Variants in SETD1B observed in about 807,000 individuals in gnomAD.
SETD1B encodes the protein SET domain containing 1B, histone lysine methyltransferase.
Under a neutral mutation model 148.0 loss-of-function variants are expected in SETD1B, and 7 were observed. That is an observed-to-expected ratio of 0.05 (90% CI 0.03 to 0.09). The LOEUF (loss-of-function observed/expected upper bound fraction) is 0.09, where lower values mean the gene tolerates loss of function less well. Among genes scored for constraint, SETD1B ranks in the 10% least tolerant of loss-of-function variants. The probability of loss-of-function intolerance (pLI) is 1.00; values close to 1 mark genes in which losing one functional copy is unlikely to be tolerated. For missense variants in SETD1B, 2,155 were observed against 2,729.9 expected (o/e 0.79, Z 4.69); for synonymous variants, 1,361 against 1,186.5 (o/e 1.15, Z -3.02).
intron 13 of SETD1B, 107 bp from the exon 14 acceptor site, chr12:121,827,412 C>A: frequency 1.4e-6 from 2 of 1,382,932 alleles, no homozygotes; most frequent in Non-Finnish European, 1.9e-6. Flanking sequence ...TGGAGAAGCC[C>A]AGAGCAAGGA....
At chr12:121,825,509 A>C in intron 13 of SETD1B, 143 bp downstream of exon 13, 5 of 324,328 alleles carry the variant, frequency 1.5e-5, no homozygotes, top group East Asian at 1.6e-4. Flanking sequence ...GGAAGGGGAG[A>C]GGCGGGTGGG....
chr12:121,793,861 GGGC>G, the SETD1B span: 1 of 413,592 alleles, frequency 2.4e-6, no homozygotes, highest in East Asian at 4.0e-5. Flanking sequence ...CGGAAAAACG[GGGC>G]TCAGCTGCGA....
chr12:121,794,423 G>A, the SETD1B span: 1 of 152,266 alleles, frequency 6.6e-6, no homozygotes, highest in African/African-American at 2.4e-5. Context: ...CTTCCGGCAG[G>A]AGCCAGAGGC....
chr12:121,817,016 T>A lies in SETD1B; in HGVS notation c.2716-17T>A. On this transcript the variant is annotated splice_polypyrimidine_tract_variant and intron_variant, in intron 7 of 16. Coordinates refer to ENST00000604567, the MANE Select transcript of SETD1B (RefSeq NM_001353345.2). This position sits in a 1 kb window ranked among gnomAD's most constrained non-coding sequence, Gnocchi z 8.1. The stretch of plus-strand genomic sequence containing the variant: ...GGTGCCAGAAGCGGTGACGGTCCCC[T>A]CCTGTCTCCACCCCAGGCCTCGCTG... 3 of 1,493,508 alleles carry A rather than the reference T, an allele frequency of 2.0e-6. No homozygotes were observed. Among genetic ancestry groups the A allele is most frequent in the Non-Finnish European group, 2.7e-6 (3 of 1,114,398 alleles). The allele number at this position is 1,493,508 out of a possible 1,614,324, so 92.5% of individuals were successfully genotyped here. A position where few individuals can be genotyped will look rare whatever the true frequency, so the allele number is the denominator to read the frequency against.
chr12:121,824,182 C>T (rs1876726637), intron 12 of SETD1B, among the ~76,000 whole-genome samples: 1 of 152,238 alleles, frequency 6.6e-6, no homozygotes, highest in African/African-American at 2.4e-5. Flanking sequence ...AAAGACACAG[C>T]TACAGGTGGC....
At chr12:121,806,225 CTTAT>C (rs1373060767) in intron 4 of SETD1B, 120 bp downstream of exon 4, 3 of 1,121,406 alleles carry the variant, frequency 2.7e-6, no homozygotes, top group East Asian at 5.2e-5. Flanking sequence ...CCCCCACAAC[CTTAT>C]TTCTTAGCCC....
At chr12:121,807,394 C>T (rs866872489) in intron 4 of SETD1B, among the ~76,000 whole-genome samples, 6 of 146,948 alleles carry the variant, frequency 4.1e-5, no homozygotes, top group Non-Finnish European at 5.9e-5. Context: ...TTTCCTATCA[C>T]GTGCCCACAT....
chr12:121,817,746 G>A lies in SETD1B; in HGVS notation c.3312+42G>A, dbSNP rs1566554115. On this transcript the variant is annotated intron_variant, in intron 9 of 16. Transcript: ENST00000604567. The surrounding 1 kb of genome is among the most constrained non-coding windows in gnomAD (Gnocchi z 8.1). The stretch of plus-strand genomic sequence containing the variant: ...GAAGCCTCAGGGGGCCGGGCCAGGC[G>A]ACGAGGGCCAGACCCTTCGGCTCAC... 2.6e-6 allele frequency: 4 copies of A among 1,536,954 alleles called. No individual in the cohort carries two copies. The highest frequency in any genetic ancestry group is 2.6e-6 in the Non-Finnish European group (3 of 1,136,824).
At chr12:121,822,256 G>GA (rs2137576801) in intron 11 of SETD1B, among the ~76,000 whole-genome samples, 1 of 152,218 alleles carries the variant, frequency 6.6e-6, no homozygotes, top group East Asian at 1.9e-4. Context: ...ATGAAAGGCT[G>GA]GAATACATGT....
chr12:121,791,258 T>G, the SETD1B span, among the ~76,000 whole-genome samples: 1 of 152,232 alleles, frequency 6.6e-6, no homozygotes. Flanking sequence ...CCCGAGTAGC[T>G]GGGATTACAG....
rs1875970450 is a variant in SETD1B at position 121,810,388 on chromosome 12, C to T, written c.1443C>T (p.Gly481=). The change falls in exon 6 of 17, where the codon GGC becomes GGT. Residue 481 remains glycine (G), a synonymous_variant. Transcript: ENST00000604567. This position sits in a 1 kb window ranked among gnomAD's most constrained non-coding sequence, Gnocchi z 7.6. ...GTCCTGAGCCCTGTGACAGCCCTGGCACGCCCACGCTGGAGTCGTCCCCTG... is the reference window on the plus strand; with the variant it reads ...GTCCTGAGCCCTGTGACAGCCCTGGTACGCCCACGCTGGAGTCGTCCCCTG... ...GWSPEPCDSP[G]TPTLESSPAG... is the part of the protein sequence containing the mutation. The T allele has an allele frequency of 1.9e-6, 3 of 1,548,466 alleles. No homozygotes were observed. Among genetic ancestry groups the T allele is most frequent in the African/African-American group, 1.4e-5 (1 of 73,048 alleles).
Position 121,814,645 on chromosome 12 carries a change from G to C in SETD1B, c.2430G>C (p.Gln810His). The C allele has an allele frequency of 1.3e-6, 2 of 1,548,050 alleles. No individual in the cohort carries two copies. Among genetic ancestry groups the C allele is most frequent in the Non-Finnish European group, 1.7e-6 (2 of 1,145,658 alleles). ...CCGCCGCTGCCTCAGCTGGGCTCCAGTTTGTCAACCTGCCGCCCTACCGGG... is the reference window on the plus strand; with the variant it reads ...CCGCCGCTGCCTCAGCTGGGCTCCACTTTGTCAACCTGCCGCCCTACCGGG... ...AAAAAASAGL[Q>H]FVNLPPYRGP... Residue 810 changes from glutamine (Q) to histidine (H), a missense_variant, in exon 7 of 17, where the codon CAG becomes CAC. Around this residue, in one of 11 missense-constraint regions of SETD1B, gnomAD observed 289 missense variants for 423.7 expected, o/e 0.68. Transcript: ENST00000604567.
At chr12:121,827,380 G>A in intron 13 of SETD1B, 139 bp from the exon 14 acceptor site, 1 of 1,055,728 alleles carries the variant, frequency 9.5e-7, no homozygotes, top group East Asian at 2.7e-5. Context: ...GGGAAGCGGT[G>A]ACAATTAGGG....
chr12:121,816,229 T>C (rs929984175), intron 7 of SETD1B, among the ~76,000 whole-genome samples: 1 of 152,178 alleles, frequency 6.6e-6, no homozygotes. Context: ...TTGAATACTT[T>C]AAACTCCCCT....
At chr12:121,794,067 CG>C in the SETD1B span, 3 of 162,356 alleles carry the variant, frequency 1.8e-5, no homozygotes, top group African/African-American at 7.2e-5. Context: ...GCCTCCGCAC[CG>C]GGTTCGAGAA....
At chr12:121,812,582 A>C (rs1876089721) in intron 6 of SETD1B, among the ~76,000 whole-genome samples, 3 of 151,966 alleles carry the variant, frequency 2.0e-5, no homozygotes, top group Admixed American at 1.3e-4. Flanking sequence ...GCTGGAGCGC[A>C]GGATCTGCCT....
In SETD1B at chr12:121,805,088, T is replaced by A; in HGVS notation, c.175-30T>A. On this transcript the variant is annotated intron_variant, in intron 2 of 16. Transcript: ENST00000604567. This position sits in a 1 kb window ranked among gnomAD's most constrained non-coding sequence, Gnocchi z 4.2. ...CCCATGGGGAGGGGGACCAGTTCTC[T>A]CATCCCGGCCCCCCAATTTCTCCCC... 1 of 1,538,848 alleles carries A rather than the reference T, an allele frequency of 6.5e-7. No individual in the cohort carries two copies. Among genetic ancestry groups the A allele is most frequent in the African/African-American group, 1.4e-5 (1 of 72,900 alleles).
At position 121,809,663 on chromosome 12, in the gene SETD1B, T is replaced by A; in HGVS notation, c.718T>A (p.Ser240Thr). The change falls in exon 6 of 17, where the codon TCC (serine) becomes ACC (threonine). Residue 240 changes from serine to threonine, a missense_variant. By Grantham distance (58) the Ser-to-Thr change is moderately conservative. Coordinates refer to ENST00000604567, the MANE Select transcript of SETD1B (RefSeq NM_001353345.2). Reference sequence around the variant, plus strand: ...CCTGTCTGCAGGCTGTGGCTCCGGCTCCTCCTCTGTCACCCCCAATAGCGG... The same window carrying A: ...CCTGTCTGCAGGCTGTGGCTCCGGCACCTCCTCTGTCACCCCCAATAGCGG... ...GGLSAGCGSG[S>T]SSVTPNSGGT... 1 of 1,551,502 alleles carries A rather than the reference T, an allele frequency of 6.4e-7. No homozygotes were observed. Among genetic ancestry groups the A allele is most frequent in the Non-Finnish European group, 8.7e-7 (1 of 1,146,952 alleles).
chr12:121,790,302 C>T, the SETD1B span, among the ~76,000 whole-genome samples: 46 of 152,370 alleles, frequency 3.0e-4, no homozygotes, highest in Non-Finnish European at 2.4e-4. Context: ...ATGCCCCTTC[C>T]GCCACTGTGT....
Sources: allele counts gnomAD v4.1 joint callset (sites outside exome capture counted in the v4.1 genomes callset), GRCh38; gene constraint gnomAD v4.1.1; regional missense constraint gnomAD v4.1.1; non-coding constraint Gnocchi (gnomAD v3.1); transcripts MANE v1.5; gene names NCBI Gene and HGNC (gene_info 2026-07-23, HGNC 2026-07-21).